Variants in SERPINI1 observed in about 807,000 individuals in gnomAD.
The protein encoded by SERPINI1 is serpin family I member 1.
SERPINI1 carries 19 observed loss-of-function variants against 41.1 expected under a neutral mutation model. The observed-to-expected ratio is 0.46, with a 90% CI of 0.32 to 0.68. SERPINI1 has a LOEUF of 0.68. Among genes scored for constraint, SERPINI1 ranks in the 30% least tolerant of loss-of-function variants. SERPINI1 has a pLI of 0.03. For missense variants in SERPINI1, 460 were observed against 479.2 expected (o/e 0.96, Z 0.37); for synonymous variants, 138 against 156.6 (o/e 0.88, Z 0.89).
chr3:167,793,612 G>T (rs75085288), intron 4 of SERPINI1, among the ~76,000 whole-genome samples: 17,044 of 144,824 alleles, frequency 0.12, 1,230 homozygotes, highest in African/African-American at 0.19. Context: ...AATTAGCTAG[G>T]CATAATGGTA....
At chr3:167,745,410 C>T (rs1055778831) in intron 1 of SERPINI1, among the ~76,000 whole-genome samples, 3 of 151,916 alleles carry the variant, frequency 2.0e-5, no homozygotes, top group African/African-American at 4.8e-5. Context: ...ACTTCCTCCA[C>T]GGGGTAAGTA....
intron 1 of SERPINI1, among the ~76,000 whole-genome samples, chr3:167,769,169 T>C (rs1295679933): frequency 6.6e-6 from 1 of 152,096 alleles, no homozygotes; most frequent in East Asian, 1.9e-4. Flanking sequence ...AATTTTTGTA[T>C]TTTTAGTAGA....
rs994720814 is a variant in SERPINI1, at chr3:167,815,951, T to C, written c.980-7035T>C. On this transcript the variant is annotated intron_variant, in intron 6 of 8. Coordinates refer to ENST00000446050, the MANE Select transcript of SERPINI1 (RefSeq NM_001122752.2). ...AGTCTTTTAGCACGTATGTGGCCTT[T>C]GCACTTTTTCCCTCTCTGCTGCTGT... Among the ~76,000 whole-genome samples the C allele has an allele frequency of 3.9e-5, 6 of 152,362 alleles. No homozygotes were observed. In the South Asian group the frequency reaches 8.3e-4, roughly 21 times the overall value.
chr3:167,765,860 G>T (rs1159082765), intron 1 of SERPINI1, among the ~76,000 whole-genome samples: 1 of 152,096 alleles, frequency 6.6e-6, no homozygotes, highest in Non-Finnish European at 1.5e-5. Flanking sequence ...GATCTCTAGG[G>T]CAGGGGCAAA....
intron 6 of SERPINI1, among the ~76,000 whole-genome samples, chr3:167,821,970 G>GC (rs1332894613): frequency 6.6e-6 from 1 of 152,120 alleles, no homozygotes; most frequent in Non-Finnish European, 1.5e-5. Context: ...TTTTATTAAA[G>GC]CCCTCAGCTG....
intron 1 of SERPINI1, among the ~76,000 whole-genome samples, chr3:167,751,214 C>T (rs1029968030): frequency 3.3e-5 from 5 of 152,144 alleles, no homozygotes; most frequent in East Asian, 1.9e-4. Flanking sequence ...CTTCAGTTAC[C>T]GCAGACTCCT....
At chr3:167,747,775 T>A (rs1172117654) in intron 1 of SERPINI1, among the ~76,000 whole-genome samples, 2 of 152,032 alleles carry the variant, frequency 1.3e-5, no homozygotes, top group Non-Finnish European at 2.9e-5. Flanking sequence ...AAAATAGGAG[T>A]TATGGAAGAT....
intron 1 of SERPINI1, among the ~76,000 whole-genome samples, chr3:167,759,400 G>GTGTATGTATATATATATATA (rs964402772): frequency 5.0e-5 from 6 of 121,116 alleles, no homozygotes; most frequent in African/African-American, 1.5e-4. Context: ...AGAAAATGTG[G>GTGTATGTATATATATATATA]TATATATATA....
At chr3:167,752,042 A>G (rs1371104662) in intron 1 of SERPINI1, among the ~76,000 whole-genome samples, 1 of 152,176 alleles carries the variant, frequency 6.6e-6, no homozygotes, top group Non-Finnish European at 1.5e-5. Context: ...TTTTGAGATT[A>G]GTAATAAACA....
intron 1 of SERPINI1, among the ~76,000 whole-genome samples, chr3:167,754,711 T>TAG (rs1256968080): frequency 2.6e-5 from 4 of 152,158 alleles, no homozygotes; most frequent in African/African-American, 9.6e-5. Context: ...ACTGCATTAT[T>TAG]TGGTTATAGC....
intron 5 of SERPINI1, among the ~76,000 whole-genome samples, chr3:167,796,169 ATAGT>A (rs1319412887): frequency 2.0e-5 from 3 of 151,916 alleles, no homozygotes; most frequent in African/African-American, 7.2e-5. Context: ...AACTTAGCTG[ATAGT>A]TTGTTATGTA....
At chr3:167,783,387 C>T (rs958442215) in intron 1 of SERPINI1, among the ~76,000 whole-genome samples, 4 of 152,080 alleles carry the variant, frequency 2.6e-5, no homozygotes, top group African/African-American at 9.7e-5. Context: ...CTGTTTGGGC[C>T]TCCTTGAATT....
chr3:167,794,918 T>A, intron 5 of SERPINI1, 94 bp downstream of exon 5: 2 of 932,686 alleles, frequency 2.1e-6, no homozygotes, highest in Non-Finnish European at 3.5e-6. Context: ...GCTTTCGAAT[T>A]ATAATTCTTG....
At chr3:167,824,274 T>C (rs961207535) in intron 7 of SERPINI1, among the ~76,000 whole-genome samples, 199 bp from the exon 8 acceptor site, 3 of 152,170 alleles carry the variant, frequency 2.0e-5, no homozygotes, top group East Asian at 1.9e-4. Context: ...TGTGTTTGTT[T>C]TGTTTCGTTT....
At chr3:167,817,700 C>T (rs996922297) in intron 6 of SERPINI1, among the ~76,000 whole-genome samples, 2 of 151,776 alleles carry the variant, frequency 1.3e-5, no homozygotes, top group East Asian at 1.9e-4. Flanking sequence ...TGGGTTCACG[C>T]CATTCTCCTG....
Position 167,790,376 on chromosome 3 carries a change from A to G in SERPINI1, c.255A>G (p.Glu85=). Residue 85 remains glutamate, a synonymous_variant, in exon 3 of 9, where the codon GAA becomes GAG. Coordinates refer to ENST00000446050, the MANE Select transcript of SERPINI1 (RefSeq NM_001122752.2). Reference sequence around the variant, plus strand: ...TTATCCTTTCTCATCTTTCAGGTGAAGAATTTTCTTTCTTGAAGGAGTTTT... The same window carrying G: ...TTATCCTTTCTCATCTTTCAGGTGAGGAATTTTCTTTCTTGAAGGAGTTTT... The part of the protein sequence containing the change: ...SMGYDSLKNG[E]EFSFLKEFSN... The G allele has an allele frequency of 6.2e-7, 1 of 1,604,482 alleles. No individual in the cohort carries two copies. The highest frequency in any genetic ancestry group is 8.5e-7 in the Non-Finnish European group (1 of 1,171,338).
chr3:167,775,249 A>ATTG (rs1424326591), intron 1 of SERPINI1, among the ~76,000 whole-genome samples: 1 of 145,910 alleles, frequency 6.9e-6, no homozygotes, highest in Admixed American at 6.9e-5. Context: ...TATTATTATT[A>ATTG]TTATTATTAT....
chr3:167,759,100 T>A (rs956391413), intron 1 of SERPINI1, among the ~76,000 whole-genome samples: 2 of 152,096 alleles, frequency 1.3e-5, no homozygotes, highest in African/African-American at 2.4e-5. Context: ...AGATTCCATT[T>A]TCCTCTCTAC....
intron 6 of SERPINI1, among the ~76,000 whole-genome samples, chr3:167,818,409 A>T (rs747294861): frequency 1.3e-5 from 2 of 152,210 alleles, no homozygotes; most frequent in Non-Finnish European, 2.9e-5. Flanking sequence ...TGTATAATAG[A>T]TATTCATAGT....
Sources: gnomAD v4.1 joint callset for allele counts (sites outside exome capture counted in the v4.1 genomes callset) on GRCh38, gnomAD v4.1.1 for gene constraint, MANE v1.5 for transcripts, NCBI Gene and HGNC (gene_info 2026-07-23, HGNC 2026-07-21) for gene names.